The following CTNNA3 variants were observed in gnomAD, a reference collection of about 807,000 sequenced individuals.
The protein encoded by CTNNA3 is catenin alpha-3.
A neutral mutation model predicts 95.7 loss-of-function variants in CTNNA3; 76 were observed. The ratio of observed to expected loss-of-function variants is 0.79; its 90% CI spans 0.66 to 0.96. The LOEUF is 0.96. Among genes scored for constraint, CTNNA3 ranks in the 40% least tolerant of loss-of-function variants. The probability of loss-of-function intolerance (pLI) is 0.00; values close to 1 mark genes in which losing one functional copy is unlikely to be tolerated. For missense variants in CTNNA3, 1,191 were observed against 1,089.8 expected (o/e 1.09, Z -1.31); for synonymous variants, 431 against 374.4 (o/e 1.15, Z -1.74).
chr10:66,775,154 A>T lies in CTNNA3; in HGVS notation c.1128+290T>A, dbSNP rs2132820803. On this transcript the variant is annotated intron_variant, in intron 8 of 17. Coordinates refer to ENST00000433211, the MANE Select transcript of CTNNA3 (RefSeq NM_013266.4). ...TATTAATTTCATTGTATAGGTTCAA[A>T]GCAGCTCAGAGAGCTGAAATATGTG... Among the ~76,000 whole-genome samples the T allele has an allele frequency of 2.6e-5, 4 of 152,276 alleles. 1 individual carries two copies. The South Asian group carries it at 8.3e-4, about 32-fold the overall frequency.
chr10:66,192,225 TC>T lies in CTNNA3; in HGVS notation c.1884+88244del, dbSNP rs201108474. On this transcript the variant is annotated intron_variant, in intron 13 of 17. Coordinates refer to ENST00000433211, the MANE Select transcript of CTNNA3 (RefSeq NM_013266.4). The stretch of plus-strand genomic sequence containing the variant: ...TCCTTCTAGCAATACCTTCACACAC[TC>T]CCCCGCCAGCAGAACTACACCCTAC... Among the ~76,000 whole-genome samples the T allele has an allele frequency of 2.0e-5, 3 of 151,364 alleles. No homozygotes were observed. In the South Asian group the frequency reaches 6.3e-4, roughly 32 times the overall value.
chr10:67,250,785 G>A (rs946235469), intron 5 of CTNNA3, among the ~76,000 whole-genome samples: 1 of 152,086 alleles, frequency 6.6e-6, no homozygotes, highest in African/African-American at 2.4e-5. Flanking sequence ...ATCACTTCAC[G>A]CCCACTAAGA....
chr10:66,248,036 TA>T (rs1392434679), intron 13 of CTNNA3, among the ~76,000 whole-genome samples: 2 of 152,126 alleles, frequency 1.3e-5, no homozygotes, highest in African/African-American at 4.8e-5. Flanking sequence ...TCAAAAATAA[TA>T]AAGGATTACA....
intron 5 of CTNNA3, among the ~76,000 whole-genome samples, chr10:67,224,729 C>T (rs1285551668): frequency 6.6e-6 from 1 of 152,156 alleles, no homozygotes; most frequent in African/African-American, 2.4e-5. Context: ...GCTGGGTCCC[C>T]AGTCAGGCCA....
chr10:67,267,769 G>A (rs916851801), intron 5 of CTNNA3, among the ~76,000 whole-genome samples: 2 of 152,146 alleles, frequency 1.3e-5, no homozygotes, highest in African/African-American at 4.8e-5. Flanking sequence ...TTGCCTCTGA[G>A]GCATGAGAAC....
chr10:67,514,738 A>G (rs1477129770), intron 5 of CTNNA3, among the ~76,000 whole-genome samples: 1 of 137,114 alleles, frequency 7.3e-6, no homozygotes, highest in East Asian at 2.1e-4. Flanking sequence ...TTTTTTTGCC[A>G]TCTCTGGAAT....
At chr10:66,886,443 AC>A (rs960304565) in intron 7 of CTNNA3, among the ~76,000 whole-genome samples, 3 of 151,928 alleles carry the variant, frequency 2.0e-5, no homozygotes, top group African/African-American at 7.3e-5. Context: ...TGATACTGGG[AC>A]CCTTATGTTG....
Position 66,360,768 on chromosome 10 carries a change from C to T in CTNNA3, c.1732+18384G>A, listed in dbSNP as rs199714368. Among the ~76,000 whole-genome samples, 56 of 62,506 alleles carry T rather than the reference C, an allele frequency of 9.0e-4. 2 individuals carry two copies. Among genetic ancestry groups the T allele is most frequent in the African/African-American group, 2.6e-3 (40 of 15,438 alleles). 41.0% of individuals were successfully genotyped at this position (62,506 alleles called of 152,430 possible). On this transcript the variant is annotated intron_variant, in intron 12 of 17. Coordinates refer to ENST00000433211, the MANE Select transcript of CTNNA3 (RefSeq NM_013266.4). ...TCTTCCTTCCTTCCTTCCTTCCTTC[C>T]TTTTCTTTCTTTCTTTCTTCCTTCC...
chr10:67,717,234 T>C (rs561214359), intron 1 of CTNNA3, among the ~76,000 whole-genome samples: 1 of 152,322 alleles, frequency 6.6e-6, no homozygotes, highest in Non-Finnish European at 1.5e-5. Context: ...GTCAGATGGA[T>C]AGATTGCAAA....
chr10:66,090,626 C>T (rs1405561119), intron 14 of CTNNA3, among the ~76,000 whole-genome samples: 3 of 151,946 alleles, frequency 2.0e-5, no homozygotes, highest in South Asian at 2.1e-4. Context: ...ATTGTGCTCT[C>T]CTTTAAAATG....
At chr10:66,535,656 CAT>C (rs1411329928) in intron 10 of CTNNA3, among the ~76,000 whole-genome samples, 1 of 152,176 alleles carries the variant, frequency 6.6e-6, no homozygotes, top group Non-Finnish European at 1.5e-5. Context: ...AGTCTTCTAA[CAT>C]ATCAGACACT....
At chr10:66,656,834 T>C (rs1846089664) in intron 9 of CTNNA3, among the ~76,000 whole-genome samples, 1 of 151,954 alleles carries the variant, frequency 6.6e-6, no homozygotes, top group Admixed American at 6.5e-5. Flanking sequence ...TTGTTGTTTT[T>C]TGTTTTTGTT....
intron 7 of CTNNA3, among the ~76,000 whole-genome samples, chr10:67,148,808 G>C (rs189054349): frequency 6.6e-6 from 1 of 152,284 alleles, no homozygotes; most frequent in African/African-American, 2.4e-5. Context: ...TTACTGCCAA[G>C]AAATGCAGTA....
chr10:66,054,568 G>T (rs1439714010), intron 15 of CTNNA3, among the ~76,000 whole-genome samples: 2 of 151,964 alleles, frequency 1.3e-5, no homozygotes, highest in Admixed American at 1.3e-4. Flanking sequence ...TTTTTGATTG[G>T]ATTGTTCTTT....
At chr10:66,324,543 C>T (rs373061238) in intron 12 of CTNNA3, among the ~76,000 whole-genome samples, 5 of 152,222 alleles carry the variant, frequency 3.3e-5, no homozygotes, top group African/African-American at 1.2e-4. Flanking sequence ...TGCAGGCACC[C>T]ACCCCTAGAC....
intron 7 of CTNNA3, among the ~76,000 whole-genome samples, chr10:66,859,358 C>T (rs1419991273): frequency 6.6e-6 from 1 of 151,468 alleles, no homozygotes; most frequent in East Asian, 1.9e-4. Context: ...GGGCGAAGGA[C>T]ATGAACAGAC....
At chr10:67,115,156 C>A (rs960770900) in intron 7 of CTNNA3, among the ~76,000 whole-genome samples, 2 of 152,116 alleles carry the variant, frequency 1.3e-5, no homozygotes, top group Admixed American at 1.3e-4. Context: ...TATGTCAACA[C>A]TGTCTATGCC....
chr10:66,209,094 G>A (rs1347407999), intron 13 of CTNNA3, among the ~76,000 whole-genome samples: 1 of 151,928 alleles, frequency 6.6e-6, no homozygotes, highest in Non-Finnish European at 1.5e-5. Context: ...CTAATGAGCT[G>A]GCTATATCTA....
At chr10:66,886,529 A>C (rs1401554818) in intron 7 of CTNNA3, among the ~76,000 whole-genome samples, 3 of 152,096 alleles carry the variant, frequency 2.0e-5, no homozygotes, top group Admixed American at 6.6e-5. Flanking sequence ...AGGACTCATA[A>C]AGTTCTGCTT....
Sources: allele counts gnomAD v4.1 joint callset (sites outside exome capture counted in the v4.1 genomes callset), GRCh38; gene constraint gnomAD v4.1.1; transcripts MANE v1.5; gene names NCBI Gene and HGNC (gene_info 2026-07-23, HGNC 2026-07-21).